DNAH11: variants seen among roughly 807,000 people sequenced by gnomAD.
DNAH11 encodes the protein axonemal beta dynein heavy chain 11.
Under a neutral mutation model 526.0 loss-of-function variants are expected in DNAH11, and 442 were observed. That is an observed-to-expected ratio of 0.84 (90% confidence interval 0.78 to 0.91). The LOEUF is 0.91. Ranked by LOEUF, DNAH11 falls within the 40% of genes least tolerant of loss-of-function variation. The probability of loss-of-function intolerance (pLI) is 0.00; values close to 1 mark genes in which losing one functional copy is unlikely to be tolerated. For missense variants in DNAH11, 6,989 were observed against 5,448.7 expected, an observed-to-expected ratio of 1.28 and a Z score of -8.90; for synonymous variants, 2,461 against 1,935.9, an observed-to-expected ratio of 1.27 and a Z score of -7.12.
At chr7:21,812,650 T>G (rs982363176) in intron 63 of DNAH11, among the ~76,000 whole-genome samples, 3 of 152,050 alleles carry the variant, frequency 2.0e-5, no homozygotes, top group African/African-American at 7.2e-5. Context: ...TGAGACCTTA[T>G]TTCAAAAAGA....
intron 5 of DNAH11, 105 bp from the exon 6 acceptor site, chr7:21,564,081 G>C (rs372029122): frequency 5.5e-6 from 4 of 726,922 alleles, no homozygotes; most frequent in East Asian, 2.7e-5. Flanking sequence ...CAACATTTAA[G>C]TGTGGCCATG....
chr7:21,565,012 G>A (rs1302739350), intron 6 of DNAH11, among the ~76,000 whole-genome samples: 1 of 152,130 alleles, frequency 6.6e-6, no homozygotes. Flanking sequence ...AATTTGAGAG[G>A]TAAAAGATAC....
At chr7:21,798,675 C>A (rs1224206813) in intron 61 of DNAH11, among the ~76,000 whole-genome samples, 7 of 152,050 alleles carry the variant, frequency 4.6e-5, no homozygotes, top group African/African-American at 1.7e-4. Context: ...AAGGCATTGT[C>A]TGCTTTATTC....
At chr7:21,832,370 A>G (rs540327033) in intron 65 of DNAH11, among the ~76,000 whole-genome samples, 6 of 152,168 alleles carry the variant, frequency 3.9e-5, no homozygotes, top group African/African-American at 1.2e-4. Context: ...GGTGGTGACA[A>G]AATCTCTCAG....
intron 30 of DNAH11, among the ~76,000 whole-genome samples, chr7:21,668,341 A>G (rs1396975262): frequency 6.6e-6 from 1 of 152,116 alleles, no homozygotes; most frequent in Non-Finnish European, 1.5e-5. Context: ...AATAAAAATA[A>G]TATCTCTTCC....
At chr7:21,761,903 G>A (rs1238574871) in intron 54 of DNAH11, among the ~76,000 whole-genome samples, 2 of 152,136 alleles carry the variant, frequency 1.3e-5, no homozygotes, top group Admixed American at 1.3e-4. Flanking sequence ...CCCGAGACTG[G>A]ATAATTTATA....
rs185419734 is a variant in DNAH11 at position 21,644,701 on chromosome 7, A to T, written c.4944+5636A>T. Among the ~76,000 whole-genome samples, 7 of 152,324 alleles carry T rather than the reference A, an allele frequency of 4.6e-5. No homozygotes were observed. In the East Asian group the frequency reaches 1.4e-3, roughly 29 times the overall value. ...CTGCAGCTGAGGAGGAAGGAATAGA[A>T]GCTGCTCATGAAAGTGTAGTCTGTC... On this transcript the variant is annotated intron_variant, in intron 28 of 81. Coordinates refer to ENST00000409508, the MANE Select transcript of DNAH11 (RefSeq NM_001277115.2).
chr7:21,726,732 G>A (rs1184173834), intron 45 of DNAH11, among the ~76,000 whole-genome samples: 2 of 149,718 alleles, frequency 1.3e-5, no homozygotes, highest in Non-Finnish European at 3.0e-5. Context: ...GTGGTGGCGG[G>A]CGCCTGTAGT....
At position 21,564,260 on chromosome 7, in the gene DNAH11, G is replaced by T; in HGVS notation, c.1057G>T (p.Glu353Ter). The T allele has an allele frequency of 6.2e-7, 1 of 1,613,666 alleles. No homozygotes were observed. Among genetic ancestry groups the T allele is most frequent in the Non-Finnish European group, 8.5e-7 (1 of 1,179,742 alleles). ...RRHIQCLQET[E>*]FPQTRILIAP... ...ACACATCCAGTGTCTCCAGGAGACG[G>T]AATTCCCACAGACACGCATATTAAT... Residue 353 changes from glutamate (E) to a stop codon, truncating the protein, a stop_gained, in exon 6 of 82, where the codon GAA becomes TAA. Transcript: ENST00000409508. LOFTEE classifies it high-confidence loss of function.
Position 21,606,329 on chromosome 7 carries a change from A to G in DNAH11, c.3649-97A>G, listed in dbSNP as rs559409963. On this transcript the variant is annotated intron_variant, in intron 18 of 81. Transcript: ENST00000409508. The stretch of plus-strand genomic sequence containing the variant: ...TAGAGCCAGACCTTGTCTCAAGAGA[A>G]AAAAAAAAAAGAAAGAAATTAGAGT... 3.3e-4 allele frequency: 321 copies of G among 985,912 alleles called. 3 individuals carry two copies. In the African/African-American group the frequency reaches 5.1e-3, roughly 16 times the overall value. 61.1% of individuals were successfully genotyped at this position (985,912 alleles called of 1,614,324 possible).
At chr7:21,709,960 C>G (rs1209563098) in intron 40 of DNAH11, among the ~76,000 whole-genome samples, 2 of 152,078 alleles carry the variant, frequency 1.3e-5, no homozygotes, top group Non-Finnish European at 2.9e-5. Flanking sequence ...TTAAATATGT[C>G]ACATCAAATA....
Position 21,872,123 on chromosome 7 carries a change from C to CGAAAAAAAAAAA in DNAH11, c.11968-1151_11968-1150insGAAAAAAAAAAA, listed in dbSNP as rs1783519056. 1.9e-4 allele frequency among the ~76,000 whole-genome samples: 6 copies of CGAAAAAAAAAAA among 30,822 alleles called. 1 individual carries two copies. Among genetic ancestry groups the CGAAAAAAAAAAA allele is most frequent in the Admixed American group, 6.6e-4 (1 of 1,518 alleles). The allele number at this position is 30,822 out of a possible 152,430, so 20.2% of individuals were successfully genotyped here. On this transcript the variant is annotated intron_variant, in intron 73 of 81. Transcript: ENST00000409508. ...TGGGTGACAGAGCGAGACTCTGTCTCAAAAAAAAAAAAAAAAAAAAAAAAA... is the reference window on the plus strand; with the variant it reads ...TGGGTGACAGAGCGAGACTCTGTCTCGAAAAAAAAAAAAAAAAAAAAAAAAAAAAAAAAAAAA...
chr7:21,892,749 T>G, intron 77 of DNAH11, 82 bp downstream of exon 77: 1 of 1,435,506 alleles, frequency 7.0e-7, no homozygotes, highest in Admixed American at 2.5e-5. Context: ...ATTGTGCAAA[T>G]CAATAAGTTT....
In DNAH11 at chr7:21,750,287, G is replaced by T. The variant is rs1008521895; in HGVS notation, c.8863G>T (p.Val2955Phe). Residue 2955 changes from valine to phenylalanine, a missense_variant, in exon 54 of 82, where the codon GTT becomes TTT. Transcript: ENST00000409508. ...DKIISGIHNE[V>F]HALGMVDSRE... ...GATAATTTCTGGAATTCATAATGAA[G>T]TTCATGCTCTGGGCATGGTAGACTC... 6.2e-7 allele frequency: 1 copy of T among 1,604,636 alleles called. No individual in the cohort carries two copies. Among genetic ancestry groups the T allele is most frequent in the African/African-American group, 1.3e-5 (1 of 74,826 alleles).
At position 21,761,554 on chromosome 7, in the gene DNAH11, A is replaced by G. The variant is rs545736565; in HGVS notation, c.8941-3874A>G. On this transcript the variant is annotated intron_variant, in intron 54 of 81. Transcript: ENST00000409508. ...TTAGGCTATCACTGTGGGTGTCAGA[A>G]TCACCTTAGAGTGTTTGCTTAAAGC... Among the ~76,000 whole-genome samples the G allele has an allele frequency of 1.3e-4, 20 of 152,320 alleles. 2 individuals are homozygous for G. Among genetic ancestry groups the G allele is most frequent in the African/African-American group, 4.1e-4 (17 of 41,580 alleles).
At chr7:21,765,400 TTTC>T in intron 54 of DNAH11, 25 bp from the exon 55 acceptor site, 2 of 1,613,214 alleles carry the variant, frequency 1.2e-6, no homozygotes, top group Non-Finnish European at 1.7e-6. Context: ...CACCCGCCTG[TTTC>T]TGCCTTGCCC....
rs913764188 is a variant in DNAH11 at position 21,748,800 on chromosome 7, G to A, written c.8673+58G>A. On this transcript the variant is annotated intron_variant, in intron 52 of 81. Coordinates refer to ENST00000409508, the MANE Select transcript of DNAH11 (RefSeq NM_001277115.2). ...CTTCTGCTTGGCAGATAAAGCCGAGGCTCCTAGTGCGCCCGTGTGGGCTGT... is the reference window on the plus strand; with the variant it reads ...CTTCTGCTTGGCAGATAAAGCCGAGACTCCTAGTGCGCCCGTGTGGGCTGT... 3.3e-6 allele frequency: 5 copies of A among 1,535,616 alleles called. No individual in the cohort carries two copies. In the South Asian group the frequency reaches 6.5e-5, roughly 20 times the overall value.
rs758190277 is a variant in DNAH11 at position 21,690,890 on chromosome 7, T to TGTGGC, written c.6041+9_6041+10insGTGGC. 6.2e-7 allele frequency: 1 copy of TGTGGC among 1,601,968 alleles called. No individual in the cohort carries two copies. Among genetic ancestry groups the TGTGGC allele is most frequent in the African/African-American group, 1.3e-5 (1 of 74,654 alleles). The stretch of plus-strand genomic sequence containing the variant: ...CTCAAAGCTCTTTTCAGGCAAGTGT[T>TGTGGC]ATGCTTTGTGGCTTAGCATCTGGTG... On this transcript the variant is annotated intron_variant, in intron 35 of 81. Coordinates refer to ENST00000409508, the MANE Select transcript of DNAH11 (RefSeq NM_001277115.2).
chr7:21,773,674 T>G, intron 55 of DNAH11, 92 bp from the exon 56 acceptor site: 2 of 1,000,708 alleles, frequency 2.0e-6, no homozygotes, highest in Non-Finnish European at 2.8e-6. Context: ...TTTCTGACTT[T>G]TAGAAAAAAA....
Sources: gnomAD v4.1 joint callset for allele counts (sites outside exome capture counted in the v4.1 genomes callset) on GRCh38, gnomAD v4.1.1 for gene constraint, MANE v1.5 for transcripts, NCBI Gene and HGNC (gene_info 2026-07-23, HGNC 2026-07-21) for gene names.